Variants in FAT3 observed in about 807,000 individuals in gnomAD.
The protein encoded by FAT3 is FAT atypical cadherin 3.
Under a neutral mutation model 310.2 loss-of-function variants are expected in FAT3, and 95 were observed. That is an observed-to-expected ratio of 0.31 (90% CI 0.26 to 0.36). The LOEUF is 0.36. FAT3 is among the 10% of genes least tolerant of loss of function. FAT3 has a pLI of 1.00. For missense variants in FAT3, 5,408 were observed against 5,715.6 expected (o/e 0.95, Z 1.74); for synonymous variants, 2,314 against 2,192.9 (o/e 1.06, Z -1.54).
chr11:92,355,175 G>C lies in FAT3; in HGVS notation c.3063G>C (p.Leu1021=). 7 of 1,613,754 alleles carry C rather than the reference G, an allele frequency of 4.3e-6. No homozygotes were observed. The highest frequency in any genetic ancestry group is 4.2e-6 in the Non-Finnish European group (5 of 1,179,838). Residue 1021 remains leucine, a synonymous_variant, in exon 2 of 28, where the codon CTG becomes CTC. Coordinates refer to ENST00000525166, the MANE Select transcript of FAT3 (RefSeq NM_001367949.2). ...AAGACAAAGGGCGGCCTGTCTCTCT[G>C]TCATCTGTTTCCTTTGTTGAGGTGG... ...RAKDKGRPVS[L]SSVSFVEVEV...
Position 92,777,869 on chromosome 11 carries a change from CTAT to C in FAT3, c.4335+3700_4335+3702del, listed in dbSNP as rs527682622. On this transcript the variant is annotated intron_variant, in intron 7 of 27. Coordinates refer to ENST00000525166, the MANE Select transcript of FAT3 (RefSeq NM_001367949.2). ...ATTCAGTTAATATTAGCTACTGCTG[CTAT>C]TATTATTATTCCTATCATCTGTTAG... 3.9e-5 allele frequency among the ~76,000 whole-genome samples: 6 copies of C among 152,066 alleles called. No individual in the cohort carries two copies. The South Asian group carries it at 1.2e-3, about 32-fold the overall frequency.
At chr11:92,448,668 A>G (rs1441793013) in intron 2 of FAT3, among the ~76,000 whole-genome samples, 1 of 152,112 alleles carries the variant, frequency 6.6e-6, no homozygotes, top group South Asian at 2.1e-4. Flanking sequence ...GGAGTTTTTG[A>G]TAGGTCTGGA....
At chr11:92,754,761 C>T (rs537858054) in intron 4 of FAT3, among the ~76,000 whole-genome samples, 66 of 150,020 alleles carry the variant, frequency 4.4e-4, no homozygotes, top group Non-Finnish European at 8.7e-4. Context: ...CCAGCTACTC[C>T]GGAAGCTGAG....
chr11:92,439,974 C>T (rs749460495), intron 2 of FAT3, among the ~76,000 whole-genome samples: 19 of 151,540 alleles, frequency 1.3e-4, no homozygotes, highest in Non-Finnish European at 2.2e-4. Flanking sequence ...TGGCAGGTAT[C>T]AAAGTGAAGC....
At chr11:92,412,098 T>G (rs2134925823) in intron 2 of FAT3, among the ~76,000 whole-genome samples, 1 of 152,042 alleles carries the variant, frequency 6.6e-6, no homozygotes, top group South Asian at 2.1e-4. Flanking sequence ...CCCCACATGT[T>G]ATTATTATTA....
intron 2 of FAT3, among the ~76,000 whole-genome samples, chr11:92,461,947 T>G (rs1172326097): frequency 6.6e-6 from 1 of 152,126 alleles, no homozygotes; most frequent in Non-Finnish European, 1.5e-5. Context: ...ATACTGCAGA[T>G]AGCAGTCTGC....
chr11:92,232,356 T>C (rs528393217), intron 1 of FAT3, among the ~76,000 whole-genome samples: 31 of 152,184 alleles, frequency 2.0e-4, no homozygotes, highest in Non-Finnish European at 3.7e-4. Context: ...TTGGTACCTA[T>C]CTGATAGGAC....
chr11:92,343,882 G>A (rs540083066), intron 1 of FAT3, among the ~76,000 whole-genome samples: 1 of 152,220 alleles, frequency 6.6e-6, no homozygotes, highest in South Asian at 2.1e-4. Context: ...AGCTTTCCAG[G>A]CAGCTAGAGC....
intron 3 of FAT3, among the ~76,000 whole-genome samples, chr11:92,541,682 A>AG (rs1485989280): frequency 2.0e-5 from 3 of 152,148 alleles, no homozygotes; most frequent in Non-Finnish European, 4.4e-5. Flanking sequence ...TGAAATGGTT[A>AG]AAGACTTGGG....
intron 3 of FAT3, among the ~76,000 whole-genome samples, chr11:92,633,886 A>G (rs1303851525): frequency 6.6e-6 from 1 of 152,208 alleles, no homozygotes; most frequent in African/African-American, 2.4e-5. Flanking sequence ...TTACTTGAGG[A>G]TAGAAAGATT....
At chr11:92,840,416 A>C (rs1252132830) in intron 17 of FAT3, 146 bp from the exon 18 acceptor site, 4 of 665,104 alleles carry the variant, frequency 6.0e-6, no homozygotes, top group Non-Finnish European at 9.8e-6. Flanking sequence ...TGTCACAGGG[A>C]ATCCCTTCTG....
chr11:92,620,780 C>G (rs1001311858), intron 3 of FAT3, among the ~76,000 whole-genome samples: 3 of 152,080 alleles, frequency 2.0e-5, no homozygotes, highest in Non-Finnish European at 4.4e-5. Context: ...ACGGAATACT[C>G]TGATGTGGGT....
At chr11:92,763,936 G>A (rs573082996) in intron 5 of FAT3, among the ~76,000 whole-genome samples, 2 of 152,148 alleles carry the variant, frequency 1.3e-5, no homozygotes, top group African/African-American at 2.4e-5. Context: ...GCATGAGGGT[G>A]CTATGCATTG....
At chr11:92,275,197 C>G (rs756165346) in intron 1 of FAT3, among the ~76,000 whole-genome samples, 6 of 152,070 alleles carry the variant, frequency 3.9e-5, no homozygotes, top group Non-Finnish European at 8.8e-5. Flanking sequence ...AGGCCAGACC[C>G]TCATCTTCTT....
intron 7 of FAT3, among the ~76,000 whole-genome samples, chr11:92,789,363 G>A (rs760291964): frequency 6.6e-6 from 1 of 152,130 alleles, no homozygotes; most frequent in Non-Finnish European, 1.5e-5. Context: ...AATGCTTTAT[G>A]AAAGAAAACA....
chr11:92,651,110 C>T (rs1384868746), intron 3 of FAT3, among the ~76,000 whole-genome samples: 1 of 152,136 alleles, frequency 6.6e-6, no homozygotes, highest in Non-Finnish European at 1.5e-5. Flanking sequence ...GGCTGGTAGC[C>T]CTGCTCATCT....
At chr11:92,435,936 C>T (rs1950928540) in intron 2 of FAT3, among the ~76,000 whole-genome samples, 1 of 151,978 alleles carries the variant, frequency 6.6e-6, no homozygotes. Flanking sequence ...AGTTAAACAC[C>T]ATTCGTAATG....
Position 92,813,024 on chromosome 11 carries a change from T to C in FAT3, c.9481+2948T>C, listed in dbSNP as rs377237038. On this transcript the variant is annotated intron_variant, in intron 13 of 27. Transcript: ENST00000525166. Reference sequence around the variant, plus strand: ...GGCTTTTCCCCCTTTTGTTTGGCACTTCCCCTTTCTGCCATCATGTGAAAA... The same window carrying C: ...GGCTTTTCCCCCTTTTGTTTGGCACCTCCCCTTTCTGCCATCATGTGAAAA... Among the ~76,000 whole-genome samples the C allele has an allele frequency of 3.9e-5, 6 of 152,310 alleles. No homozygotes were observed. The South Asian group carries it at 6.2e-4, about 16-fold the overall frequency.
intron 3 of FAT3, among the ~76,000 whole-genome samples, chr11:92,574,980 C>G (rs1466848749): frequency 1.3e-5 from 2 of 152,118 alleles, no homozygotes; most frequent in Non-Finnish European, 2.9e-5. Context: ...CTAGCCTGCA[C>G]TTAGATTCGG....
Sources: gnomAD v4.1 joint callset for allele counts (sites outside exome capture counted in the v4.1 genomes callset) on GRCh38, gnomAD v4.1.1 for gene constraint, MANE v1.5 for transcripts, NCBI Gene and HGNC (gene_info 2026-07-23, HGNC 2026-07-21) for gene names.